The following ANKS1B variants were observed in gnomAD, a reference collection of about 807,000 sequenced individuals.
ANKS1B encodes ankyrin repeat and sterile alpha motif domain containing 1B, also known as ankyrin repeat and sterile alpha motif domain-containing protein 1B.
In ANKS1B, 36 loss-of-function variants were observed where a neutral mutation model predicts 148.3. The ratio of observed to expected loss-of-function variants is 0.24; its 90% CI spans 0.19 to 0.32. The LOEUF is 0.32. Ranked by LOEUF, ANKS1B falls within the 10% of genes least tolerant of loss-of-function variation. ANKS1B has a pLI of 1.00. For missense variants in ANKS1B, 1,157 were observed against 1,542.6 expected (o/e 0.75, Z 4.19); for synonymous variants, 542 against 560.8 (o/e 0.97, Z 0.47).
At chr12:99,387,651 A>G (rs989075839) in intron 12 of ANKS1B, among the ~76,000 whole-genome samples, 2 of 151,876 alleles carry the variant, frequency 1.3e-5, no homozygotes, top group East Asian at 1.9e-4. Flanking sequence ...TGCCCTGTCC[A>G]CTGTGTGAGA....
chr12:99,711,290 A>AT (rs2056601674), intron 8 of ANKS1B, among the ~76,000 whole-genome samples: 1 of 152,062 alleles, frequency 6.6e-6, no homozygotes, highest in South Asian at 2.1e-4. Flanking sequence ...CACAGTTTTA[A>AT]TTTTTTTAAC....
intron 10 of ANKS1B, among the ~76,000 whole-genome samples, chr12:99,468,294 T>C (rs538834843): frequency 6.6e-6 from 1 of 152,268 alleles, no homozygotes; most frequent in Non-Finnish European, 1.5e-5. Context: ...TAATTCAAGA[T>C]GGATTAAAGA....
At chr12:99,156,297 T>G (rs2076046062) in intron 14 of ANKS1B, among the ~76,000 whole-genome samples, 1 of 152,170 alleles carries the variant, frequency 6.6e-6, no homozygotes, top group Admixed American at 6.5e-5. Flanking sequence ...TTTGTTCTCA[T>G]AGTTCAGGCC....
chr12:99,015,501 C>T (rs1156312451), intron 17 of ANKS1B, among the ~76,000 whole-genome samples: 45 of 152,014 alleles, frequency 3.0e-4, no homozygotes, highest in Admixed American at 2.8e-3. Flanking sequence ...GCACTTGTAC[C>T]CCTGAGTGTA....
chr12:99,237,656 T>C (rs567087044), intron 14 of ANKS1B, among the ~76,000 whole-genome samples: 30 of 152,360 alleles, frequency 2.0e-4, no homozygotes, highest in African/African-American at 7.0e-4. Context: ...TTAATCACTT[T>C]GGTCAGGTGA....
intron 1 of ANKS1B, among the ~76,000 whole-genome samples, chr12:99,962,601 T>C (rs1407465084): frequency 6.6e-6 from 1 of 152,188 alleles, no homozygotes; most frequent in Non-Finnish European, 1.5e-5. Context: ...TATTTCTGGT[T>C]CTAGATCCTT....
At chr12:98,813,587 G>A (rs1252012993) in intron 19 of ANKS1B, among the ~76,000 whole-genome samples, 2 of 151,726 alleles carry the variant, frequency 1.3e-5, no homozygotes, top group African/African-American at 2.4e-5. Flanking sequence ...CTGTCACCCA[G>A]GCTGGAGTAC....
At chr12:99,945,207 A>C (rs911190899) in intron 1 of ANKS1B, among the ~76,000 whole-genome samples, 1 of 152,150 alleles carries the variant, frequency 6.6e-6, no homozygotes, top group Admixed American at 6.5e-5. Context: ...ATTCCAGGTA[A>C]GGTAGTAAAG....
intron 14 of ANKS1B, among the ~76,000 whole-genome samples, chr12:99,196,837 G>T (rs1181253493): frequency 6.6e-6 from 1 of 152,014 alleles, no homozygotes; most frequent in Non-Finnish European, 1.5e-5. Flanking sequence ...TGGGTCCAGG[G>T]ATTGTAAATT....
intron 8 of ANKS1B, among the ~76,000 whole-genome samples, chr12:99,758,167 T>C (rs1035845677): frequency 1.3e-5 from 2 of 151,940 alleles, no homozygotes; most frequent in Non-Finnish European, 2.9e-5. Flanking sequence ...GAAAGTCTCA[T>C]CTGGCAGTAT....
intron 14 of ANKS1B, among the ~76,000 whole-genome samples, chr12:99,238,071 G>T (rs1844966): frequency 5.3e-5 from 8 of 152,152 alleles, no homozygotes; most frequent in African/African-American, 4.8e-5. Flanking sequence ...AGCCCACAGA[G>T]GGCGAGCTGA....
chr12:99,726,063 C>T (rs111286630), intron 8 of ANKS1B, among the ~76,000 whole-genome samples: 3 of 151,960 alleles, frequency 2.0e-5, no homozygotes, highest in African/African-American at 7.3e-5. Context: ...ACACCCTAAC[C>T]TCACAATTAA....
intron 22 of ANKS1B, among the ~76,000 whole-genome samples, chr12:98,793,699 T>C (rs1180777428): frequency 6.6e-6 from 1 of 152,192 alleles, no homozygotes; most frequent in Non-Finnish European, 1.5e-5. Flanking sequence ...AACAAACACC[T>C]GTGAATGATA....
intron 11 of ANKS1B, among the ~76,000 whole-genome samples, chr12:99,440,263 T>G (rs573029025): frequency 1.3e-4 from 19 of 151,966 alleles, no homozygotes; most frequent in African/African-American, 4.1e-4. Flanking sequence ...AGCTATATAC[T>G]TAAGATCTGT....
chr12:99,467,883 A>G (rs1357687523), intron 10 of ANKS1B, among the ~76,000 whole-genome samples: 1 of 152,234 alleles, frequency 6.6e-6, no homozygotes, highest in East Asian at 1.9e-4. Context: ...TTATAGATTC[A>G]ATGCCATCCC....
intron 17 of ANKS1B, among the ~76,000 whole-genome samples, chr12:98,870,561 T>C (rs1353483891): frequency 1.3e-5 from 2 of 152,352 alleles, no homozygotes; most frequent in African/African-American, 4.8e-5. Context: ...GGAGTCCAGC[T>C]GGGAGATGAT....
chr12:99,832,596 T>C (rs919503714), intron 1 of ANKS1B, among the ~76,000 whole-genome samples: 3 of 151,798 alleles, frequency 2.0e-5, no homozygotes, highest in East Asian at 3.9e-4. Context: ...TGGTGGTGCA[T>C]GCCTGTAATC....
At chr12:99,010,896 CTTTTGT>C (rs1250626375) in intron 17 of ANKS1B, among the ~76,000 whole-genome samples, 2 of 113,860 alleles carry the variant, frequency 1.8e-5, no homozygotes, top group African/African-American at 3.9e-5. Context: ...CAGGTGTGAG[CTTTTGT>C]TTTTTTTTTT....
At chr12:99,006,255 T>G (rs1028179558) in intron 17 of ANKS1B, among the ~76,000 whole-genome samples, 11 of 152,206 alleles carry the variant, frequency 7.2e-5, no homozygotes, top group African/African-American at 2.7e-4. Context: ...TTACTCTAGC[T>G]GTAACTTACT....
Sources: allele counts gnomAD v4.1 joint callset (sites outside exome capture counted in the v4.1 genomes callset), GRCh38; gene constraint gnomAD v4.1.1; transcripts MANE v1.5; gene names NCBI Gene and HGNC (gene_info 2026-07-23, HGNC 2026-07-21).